Variants in SS18L2 observed in about 807,000 individuals in gnomAD.
SS18L2 encodes SS18-like protein 2.
Under a neutral mutation model 10.3 loss-of-function variants are expected in SS18L2, and 8 were observed. That is an observed-to-expected ratio of 0.78 (90% confidence interval 0.46 to 1.41). SS18L2 has a LOEUF of 1.41. Ranked by LOEUF, SS18L2 falls within the 40% of genes most tolerant of loss-of-function variation. The pLI, the probability that SS18L2 is intolerant of heterozygous loss-of-function variation, is 0.00. For synonymous variants in SS18L2, 41 were observed against 34.6 expected, an observed-to-expected ratio of 1.19 and a Z score of -0.65; for missense variants, 100 against 96.2, an observed-to-expected ratio of 1.04 and a Z score of -0.17.
chr3:42,587,411 C>T (rs1704647296), upstream of SS18L2: 1 of 151,790 alleles, frequency 6.6e-6, no homozygotes, highest in South Asian at 2.1e-4. Flanking sequence ...TTTTTTTTAC[C>T]TGATAGAAAC....
intron 2 of SS18L2, among the ~76,000 whole-genome samples, chr3:42,591,961 C>T (rs1389791539): frequency 6.6e-6 from 1 of 152,192 alleles, no homozygotes; most frequent in East Asian, 1.9e-4. Context: ...CTGCCTCATC[C>T]TTTCTCTGTT....
intron 1 of SS18L2, chr3:42,582,131 C>T (rs9869844): frequency 6.6e-6 from 1 of 152,260 alleles, no homozygotes; most frequent in Non-Finnish European, 1.5e-5. Flanking sequence ...GCGACCCAAA[C>T]GGAGAGGGAG....
In SS18L2 at chr3:42,596,627, TTC is replaced by T. The variant is rs1373214914; in HGVS notation, c.*2120_*2121del. 1.3e-5 allele frequency among the ~76,000 whole-genome samples: 2 copies of T among 152,226 alleles called. No individual in the cohort carries two copies. The highest frequency in any genetic ancestry group is 2.9e-5 in the Non-Finnish European group (2 of 68,038). ...CCTAGGCCTGCCTTGTCCCAGGAGT[TTC>T]TTCACCTTAATCACAGACCAAATTG... On this transcript the variant is annotated 3_prime_UTR_variant, in exon 3 of 3. Coordinates refer to ENST00000011691, the MANE Select transcript of SS18L2 (RefSeq NM_001370300.1).
upstream of SS18L2, among the ~76,000 whole-genome samples, chr3:42,590,617 T>C (rs935656185): frequency 7.4e-5 from 11 of 148,570 alleles, no homozygotes; most frequent in African/African-American, 2.5e-4. Flanking sequence ...AGCCTAACAC[T>C]GGAGGTGCTG....
intron 1 of SS18L2, among the ~76,000 whole-genome samples, chr3:42,584,762 G>A (rs1330444480): frequency 6.6e-6 from 1 of 152,160 alleles, no homozygotes; most frequent in African/African-American, 2.4e-5. Flanking sequence ...GTCATAACAG[G>A]CACAAAGAAG....
intron 1 of SS18L2, among the ~76,000 whole-genome samples, chr3:42,585,095 C>G (rs1434577594): frequency 6.6e-6 from 1 of 152,178 alleles, no homozygotes; most frequent in Non-Finnish European, 1.5e-5. Flanking sequence ...CACCATTGCA[C>G]TCCAGCCTGA....
upstream of SS18L2, among the ~76,000 whole-genome samples, chr3:42,586,594 A>T (rs892665799): frequency 2.0e-5 from 3 of 151,164 alleles, no homozygotes; most frequent in African/African-American, 7.3e-5. Context: ...TTAAAAAAAA[A>T]AAAAAAGCCA....
intron 2 of SS18L2, among the ~76,000 whole-genome samples, chr3:42,593,552 C>G (rs960721048): frequency 6.6e-6 from 1 of 152,204 alleles, no homozygotes; most frequent in African/African-American, 2.4e-5. Context: ...GGGAGGTGTC[C>G]TGGAACCAAT....
chr3:42,596,566 A>C lies in SS18L2; in HGVS notation c.*2057A>C, dbSNP rs1705037349. Among the ~76,000 whole-genome samples, 1 of 152,200 alleles carries C rather than the reference A, an allele frequency of 6.6e-6. No homozygotes were observed. Among genetic ancestry groups the C allele is most frequent in the Non-Finnish European group, 1.5e-5 (1 of 68,038 alleles). ...CAACTTTCTACCACTCTTGGAAGAG[A>C]TGGAGGAGGTGTCAGTCATTTTGGT... On this transcript the variant is annotated 3_prime_UTR_variant, in exon 3 of 3. Transcript: ENST00000011691.
chr3:42,585,401 G>A (rs558882988), intron 1 of SS18L2, among the ~76,000 whole-genome samples: 1 of 152,208 alleles, frequency 6.6e-6, no homozygotes, highest in African/African-American at 2.4e-5. Context: ...CCACTCCTAG[G>A]GTAACACCCT....
rs1211970250 is a variant in SS18L2, at chr3:42,594,713, A to G, written c.*204A>G. On this transcript the variant is annotated 3_prime_UTR_variant, in exon 3 of 3. Coordinates refer to ENST00000011691, the MANE Select transcript of SS18L2 (RefSeq NM_001370300.1). ...ATTCTCATGTAAATATTTTTTAAAT[A>G]ATTAAGCAAATCCCTCAATAAGTTG... is the stretch of plus-strand genomic sequence containing the variant. The G allele has an allele frequency of 4.6e-6, 2 of 436,900 alleles. No homozygotes were observed. The highest frequency in any genetic ancestry group is 8.2e-6 in the Non-Finnish European group (2 of 244,982). The allele number at this position is 436,900 out of a possible 1,614,324, so 27.1% of individuals were successfully genotyped here.
At chr3:42,590,782 A>G (rs940222345), upstream of SS18L2, 5 of 1,048,842 alleles carry the variant, frequency 4.8e-6, no homozygotes, top group South Asian at 2.5e-5. Context: ...GTCACAAATG[A>G]CGTCCCTTCT....
chr3:42,590,756 A>T, upstream of SS18L2: 1 of 875,412 alleles, frequency 1.1e-6, no homozygotes, highest in Non-Finnish European at 1.9e-6. Context: ...CGCTGAGTAT[A>T]GCTCTTGCGC....
chr3:42,587,668 G>A (rs665206), upstream of SS18L2: 37,194 of 151,752 alleles, frequency 0.25, 5,154 homozygotes, highest in East Asian at 0.47. Flanking sequence ...CCTGGGAGGC[G>A]GAGCTTGCAG....
intron 1 of SS18L2, among the ~76,000 whole-genome samples, chr3:42,585,801 GTGCTACATACA>G (rs1194572490): frequency 6.6e-6 from 1 of 152,136 alleles, no homozygotes; most frequent in African/African-American, 2.4e-5. Context: ...ACACAGATCA[GTGCTACATACA>G]TTGTCAACTT....
chr3:42,586,857 CTG>C (rs1704629054), upstream of SS18L2, among the ~76,000 whole-genome samples: 1 of 152,226 alleles, frequency 6.6e-6, no homozygotes, highest in African/African-American at 2.4e-5. Flanking sequence ...TCACCTCACA[CTG>C]TACATTTCCA....
upstream of SS18L2, among the ~76,000 whole-genome samples, chr3:42,587,735 CA>C (rs34964951): frequency 0.19 from 25,962 of 135,778 alleles, 2,655 homozygotes; most frequent in African/African-American, 0.31. Flanking sequence ...GACTCCGTCT[CA>C]AAAAAAAAAA....
intron 1 of SS18L2, among the ~76,000 whole-genome samples, chr3:42,584,341 G>A (rs569363421): frequency 1.6e-4 from 24 of 152,192 alleles, no homozygotes; most frequent in African/African-American, 2.2e-4. Context: ...TGCAACCTGC[G>A]CCTCCCAGGC....
chr3:42,583,876 G>C (rs1244190425), intron 1 of SS18L2, among the ~76,000 whole-genome samples: 3 of 152,218 alleles, frequency 2.0e-5, no homozygotes, highest in African/African-American at 7.2e-5. Flanking sequence ...CATTTAGCAA[G>C]TATTGAGCCT....
Sources: allele counts gnomAD v4.1 joint callset (sites outside exome capture counted in the v4.1 genomes callset), GRCh38; gene constraint gnomAD v4.1.1; transcripts MANE v1.5; gene names NCBI Gene and HGNC (gene_info 2026-07-23, HGNC 2026-07-21).